Variants in UNC13C observed in about 807,000 individuals in gnomAD.
The protein encoded by UNC13C is unc-13 homolog C.
A neutral mutation model predicts 245.4 loss-of-function variants in UNC13C; 174 were observed. The ratio of observed to expected loss-of-function variants is 0.71; its 90% CI spans 0.63 to 0.80. The LOEUF is 0.80. UNC13C is among the 30% of genes least tolerant of loss of function. The pLI is 0.00. For missense variants in UNC13C, 2,829 were observed against 2,602.9 expected, an observed-to-expected ratio of 1.09 and a Z score of -1.89; for synonymous variants, 992 against 895.1, an observed-to-expected ratio of 1.11 and a Z score of -1.93.
chr15:54,171,355 G>A (rs2033391106), intron 4 of UNC13C, among the ~76,000 whole-genome samples: 1 of 152,030 alleles, frequency 6.6e-6, no homozygotes. Flanking sequence ...CTACCCATCT[G>A]ACAAGGGATT....
At chr15:54,025,266 A>G (rs1272636386) in intron 2 of UNC13C, among the ~76,000 whole-genome samples, 1 of 152,158 alleles carries the variant, frequency 6.6e-6, no homozygotes, top group Non-Finnish European at 1.5e-5. Flanking sequence ...GGAGTATGAA[A>G]TTTGTTATGC....
chr15:54,347,847 GA>G (rs2038892686), intron 17 of UNC13C, among the ~76,000 whole-genome samples: 1 of 152,080 alleles, frequency 6.6e-6, no homozygotes, highest in Non-Finnish European at 1.5e-5. Flanking sequence ...TATCTCAAAG[GA>G]AATCTCTGTT....
the UNC13C span, among the ~76,000 whole-genome samples, chr15:53,845,923 T>A: frequency 1.3e-5 from 2 of 152,174 alleles, no homozygotes; most frequent in African/African-American, 2.4e-5. Context: ...TCTTTTTTTT[T>A]ACTTTACAAT....
At chr15:54,630,893 T>A (rs1049201051), downstream of UNC13C, 4 of 152,194 alleles carry the variant, frequency 2.6e-5, no homozygotes, top group Admixed American at 2.6e-4. Flanking sequence ...GATACATATA[T>A]AATCCTTTGG....
chr15:53,986,607 G>T (rs1421459555), intron 1 of UNC13C, among the ~76,000 whole-genome samples: 2 of 152,046 alleles, frequency 1.3e-5, no homozygotes, highest in East Asian at 1.9e-4. Flanking sequence ...ACTAGATATG[G>T]TTTTTAAAAA....
At chr15:54,120,547 C>A (rs955320550) in intron 2 of UNC13C, among the ~76,000 whole-genome samples, 10 of 152,036 alleles carry the variant, frequency 6.6e-5, no homozygotes, top group African/African-American at 2.2e-4. Context: ...TTCTGCAGCC[C>A]ATGGATCAGG....
At chr15:54,212,120 C>T (rs544065865) in intron 4 of UNC13C, among the ~76,000 whole-genome samples, 1 of 152,184 alleles carries the variant, frequency 6.6e-6, no homozygotes, top group South Asian at 2.1e-4. Context: ...TACCTTTGTT[C>T]CATTATCATA....
At chr15:54,434,270 A>G (rs1202844209) in intron 19 of UNC13C, among the ~76,000 whole-genome samples, 5 of 150,692 alleles carry the variant, frequency 3.3e-5, no homozygotes, top group Admixed American at 2.6e-4. Flanking sequence ...AAAAAAGCCC[A>G]TATAGCCAAG....
intron 32 of UNC13C, among the ~76,000 whole-genome samples, chr15:54,625,970 T>C (rs1901114188): frequency 6.6e-6 from 1 of 152,126 alleles, no homozygotes; most frequent in South Asian, 2.1e-4. Flanking sequence ...AGATTCTCCC[T>C]AAAGTACAAA....
At chr15:54,168,289 C>T (rs928302352) in intron 4 of UNC13C, among the ~76,000 whole-genome samples, 12 of 152,140 alleles carry the variant, frequency 7.9e-5, no homozygotes, top group African/African-American at 2.7e-4. Flanking sequence ...AAAAATATCA[C>T]TTTGAGATTT....
At chr15:54,102,968 T>C (rs1171912781) in intron 2 of UNC13C, among the ~76,000 whole-genome samples, 1 of 152,248 alleles carries the variant, frequency 6.6e-6, no homozygotes, top group Non-Finnish European at 1.5e-5. Context: ...AGCCTGTTGG[T>C]GGCTGTCGTA....
intron 10 of UNC13C, among the ~76,000 whole-genome samples, chr15:54,267,174 T>A (rs1446422584): frequency 2.0e-5 from 3 of 146,798 alleles, no homozygotes; most frequent in African/African-American, 8.2e-5. Flanking sequence ...GACATATGTT[T>A]TTATTTCTCT....
the UNC13C span, among the ~76,000 whole-genome samples, chr15:53,941,604 A>G: frequency 3.3e-5 from 5 of 152,178 alleles, no homozygotes; most frequent in Admixed American, 3.3e-4. Context: ...CAAGAAAAAA[A>G]CAATCCCATT....
chr15:54,349,650 GAT>G (rs1294353015), intron 17 of UNC13C, among the ~76,000 whole-genome samples: 1 of 152,168 alleles, frequency 6.6e-6, no homozygotes. Context: ...ATTTAATGGT[GAT>G]ATGGGACATT....
At chr15:54,052,216 A>C (rs1372255502) in intron 2 of UNC13C, among the ~76,000 whole-genome samples, 1 of 106,618 alleles carries the variant, frequency 9.4e-6, no homozygotes, top group Non-Finnish European at 1.9e-5. Flanking sequence ...ATGCCGCAAT[A>C]AACATACGTG....
chr15:54,504,862 G>A (rs1382166716), intron 22 of UNC13C, among the ~76,000 whole-genome samples: 3 of 152,036 alleles, frequency 2.0e-5, no homozygotes, highest in Non-Finnish European at 2.9e-5. Flanking sequence ...TCCTAACAGG[G>A]TGGCATTAGC....
chr15:54,385,234 C>T (rs1474181160), intron 17 of UNC13C, among the ~76,000 whole-genome samples: 2 of 152,054 alleles, frequency 1.3e-5, no homozygotes, highest in Non-Finnish European at 2.9e-5. Context: ...ACTTTCACCG[C>T]TTCTATTCAA....
At position 54,500,869 on chromosome 15, in the gene UNC13C, G is replaced by C; in HGVS notation, c.5192G>C (p.Cys1731Ser). The change falls in exon 22 of 33, where the codon TGC (cysteine) becomes TCC (serine). Residue 1731 changes from cysteine to serine, a missense_variant. Physicochemically the swap from Cys to Ser is moderately radical, Grantham distance 112. Coordinates refer to ENST00000260323, the MANE Select transcript of UNC13C (RefSeq NM_001080534.3). ...ACATCTGAGCATGCTCTCTTTTCTT[G>C]CTCCGTGGTTGATGTCTTTGCTCAG... ...QQTSEHALFS[C>S]SVVDVFAQLN... 1 of 1,612,898 alleles carries C rather than the reference G, an allele frequency of 6.2e-7. No homozygotes were observed. Among genetic ancestry groups the C allele is most frequent in the South Asian group, 1.1e-5 (1 of 91,046 alleles).
At chr15:54,578,910 G>T (rs1898079028) in intron 30 of UNC13C, among the ~76,000 whole-genome samples, 1 of 152,202 alleles carries the variant, frequency 6.6e-6, no homozygotes, top group South Asian at 2.1e-4. Flanking sequence ...GTGCCCGTTT[G>T]TGACAGTCAT....
Sources: allele counts gnomAD v4.1 joint callset (sites outside exome capture counted in the v4.1 genomes callset), GRCh38; gene constraint gnomAD v4.1.1; transcripts MANE v1.5; gene names NCBI Gene and HGNC (gene_info 2026-07-23, HGNC 2026-07-21).